CUBN: variants seen among roughly 807,000 people sequenced by gnomAD.
The protein encoded by CUBN is cubilin, also known as 460 kDa receptor.
Under a neutral mutation model 405.3 loss-of-function variants are expected in CUBN, and 282 were observed. The ratio of observed to expected loss-of-function variants is 0.70; its 90% CI spans 0.63 to 0.77. The LOEUF is 0.77. Among genes scored for constraint, CUBN ranks in the 30% least tolerant of loss-of-function variants. The probability of loss-of-function intolerance (pLI) is 0.00; values close to 1 mark genes in which losing one functional copy is unlikely to be tolerated. For synonymous variants in CUBN, 1,684 were observed against 1,617.0 expected, an observed-to-expected ratio of 1.04 and a Z score of -0.99; for missense variants, 4,514 against 4,475.2, an observed-to-expected ratio of 1.01 and a Z score of -0.25.
chr10:16,945,821 G>GCTT lies in CUBN; in HGVS notation c.5342+1411_5342+1413dup, dbSNP rs1430331866. 2.7e-5 allele frequency among the ~76,000 whole-genome samples: 4 copies of GCTT among 150,308 alleles called. No homozygotes were observed. In the East Asian group the frequency reaches 7.8e-4, roughly 29 times the overall value. On this transcript the variant is annotated intron_variant, in intron 36 of 66. Coordinates refer to ENST00000377833, the MANE Select transcript of CUBN (RefSeq NM_001081.4). The stretch of plus-strand genomic sequence containing the variant: ...ACCAAAACCTCCTTCCTGTGAGGCA[G>GCTT]CTTAAACTTGCATTGCCTTTCGGCA...
At chr10:17,037,654 G>A (rs1476379906) in intron 27 of CUBN, among the ~76,000 whole-genome samples, 5 of 152,222 alleles carry the variant, frequency 3.3e-5, no homozygotes, top group African/African-American at 4.8e-5. Context: ...ATGCAAAGGA[G>A]TGTGTCCCAC....
intron 28 of CUBN, among the ~76,000 whole-genome samples, chr10:17,002,044 A>T (rs1035334920): frequency 6.6e-6 from 1 of 152,230 alleles, no homozygotes; most frequent in Non-Finnish European, 1.5e-5. Flanking sequence ...CTCTGAGTAC[A>T]CAGTGCATTC....
At chr10:16,921,231 C>CT (rs879685074) in intron 43 of CUBN, among the ~76,000 whole-genome samples, 32 of 152,324 alleles carry the variant, frequency 2.1e-4, no homozygotes, top group Admixed American at 4.6e-4. Flanking sequence ...TTAGGCTCCA[C>CT]TTTACAAAGA....
At position 16,824,836 on chromosome 10, in the gene CUBN, C is replaced by A. The variant is rs1486449340; in HGVS notation, c.*139G>T. ...CACGCCTGGCCTACAAATATTGATT[C>A]TATCCATGGTTTGGTGAAAAACCAT... On this transcript the variant is annotated 3_prime_UTR_variant, in exon 67 of 67. Transcript: ENST00000377833. 2.8e-6 allele frequency: 2 copies of A among 717,924 alleles called. No individual in the cohort carries two copies. Among genetic ancestry groups the A allele is most frequent in the Non-Finnish European group, 5.0e-6 (2 of 401,320 alleles). The allele number at this position is 717,924 out of a possible 1,614,324, so 44.5% of individuals were successfully genotyped here. A position where few individuals can be genotyped will look rare whatever the true frequency, so the allele number is the denominator to read the frequency against.
intron 59 of CUBN, among the ~76,000 whole-genome samples, chr10:16,862,454 G>C (rs1201326736): frequency 6.6e-6 from 1 of 152,070 alleles, no homozygotes; most frequent in East Asian, 1.9e-4. Flanking sequence ...CATCTGGTAG[G>C]GCACAGGTTC....
chr10:16,996,045 T>A (rs1237272651), intron 28 of CUBN, among the ~76,000 whole-genome samples: 2 of 151,984 alleles, frequency 1.3e-5, no homozygotes, highest in Non-Finnish European at 2.9e-5. Flanking sequence ...ACTTCTGTGT[T>A]CTCTCTCCCC....
chr10:17,039,367 T>C (rs1834967794), intron 27 of CUBN, among the ~76,000 whole-genome samples: 1 of 152,208 alleles, frequency 6.6e-6, no homozygotes, highest in Admixed American at 6.5e-5. Context: ...GATATTCAAT[T>C]CAACTTGAAC....
intron 58 of CUBN, among the ~76,000 whole-genome samples, chr10:16,873,539 T>A (rs968977404): frequency 1.3e-5 from 2 of 151,922 alleles, no homozygotes; most frequent in African/African-American, 4.8e-5. Context: ...ATGACCAACA[T>A]GGTGAAACCC....
intron 12 of CUBN, among the ~76,000 whole-genome samples, chr10:17,103,734 A>G (rs916969588): frequency 6.6e-6 from 1 of 152,260 alleles, no homozygotes; most frequent in African/African-American, 2.4e-5. Context: ...AGTGAGGGGC[A>G]GAAGAGTCAA....
intron 48 of CUBN, among the ~76,000 whole-genome samples, chr10:16,910,093 C>T (rs932660984): frequency 2.0e-5 from 3 of 151,608 alleles, no homozygotes; most frequent in African/African-American, 7.3e-5. Flanking sequence ...TCTCCCTCTC[C>T]TTCTCATTCT....
In CUBN at chr10:17,046,025, G is replaced by T; in HGVS notation, c.3399C>A (p.Ile1133=). 1 of 1,613,392 alleles carries T rather than the reference G, an allele frequency of 6.2e-7. No homozygotes were observed. The highest frequency in any genetic ancestry group is 8.5e-7 in the Non-Finnish European group (1 of 1,179,392). Residue 1133 remains isoleucine, a synonymous_variant, in exon 24 of 67, where the codon ATC becomes ATA. Transcript: ENST00000377833. ...FYGSNLPPTI[I]SHSNKLWLKF... is the part of the protein sequence containing the mutation. ...TTAACCATAGTTTGTTACTATGAGA[G>T]ATGATTGTTGGGGGTAGATTTGAGC...
At chr10:17,111,961 T>C (rs968368979) in intron 8 of CUBN, among the ~76,000 whole-genome samples, 1 of 152,194 alleles carries the variant, frequency 6.6e-6, no homozygotes, top group East Asian at 1.9e-4. Context: ...ATTGGGCTCA[T>C]ACTCCTAATT....
At chr10:17,039,003 C>T (rs1179340200) in intron 27 of CUBN, among the ~76,000 whole-genome samples, 1 of 152,114 alleles carries the variant, frequency 6.6e-6, no homozygotes, top group African/African-American at 2.4e-5. Flanking sequence ...TTTTAAACAC[C>T]TTTTTGTTGC....
chr10:17,108,515 G>A (rs1836691891), intron 10 of CUBN, among the ~76,000 whole-genome samples: 1 of 151,998 alleles, frequency 6.6e-6, no homozygotes, highest in South Asian at 2.1e-4. Flanking sequence ...TTCAAGAAAT[G>A]GAACTGGGTC....
At chr10:16,866,863 CA>C (rs1840200969) in intron 59 of CUBN, among the ~76,000 whole-genome samples, 1 of 152,152 alleles carries the variant, frequency 6.6e-6, no homozygotes, top group Non-Finnish European at 1.5e-5. Context: ...AAAGGAGACC[CA>C]ATTTCACTAC....
chr10:17,118,381 C>T (rs1836953290), intron 6 of CUBN, among the ~76,000 whole-genome samples: 1 of 152,192 alleles, frequency 6.6e-6, no homozygotes, highest in Admixed American at 6.5e-5. Context: ...ATGTTATATT[C>T]TTACATTCTG....
intron 56 of CUBN, among the ~76,000 whole-genome samples, chr10:16,880,029 A>C (rs918654541): frequency 2.6e-5 from 4 of 152,256 alleles, no homozygotes; most frequent in African/African-American, 9.6e-5. Flanking sequence ...AGCACAAAGT[A>C]AAAACAGAAA....
At chr10:17,102,189 T>C (rs192238208) in intron 13 of CUBN, among the ~76,000 whole-genome samples, 37 of 152,206 alleles carry the variant, frequency 2.4e-4, no homozygotes, top group Non-Finnish European at 2.5e-4. Flanking sequence ...AGCTAAGAAG[T>C]GTTAACAAAA....
intron 22 of CUBN, 70 bp downstream of exon 22, chr10:17,065,438 T>G (rs1410590753): frequency 1.2e-5 from 19 of 1,590,034 alleles, no homozygotes. Flanking sequence ...GTATTCTCAT[T>G]GTGTTTTAGC....
Sources: gnomAD v4.1 joint callset for allele counts (sites outside exome capture counted in the v4.1 genomes callset) on GRCh38, gnomAD v4.1.1 for gene constraint, MANE v1.5 for transcripts, NCBI Gene and HGNC (gene_info 2026-07-23, HGNC 2026-07-21) for gene names.